Variants in GRIA1 observed in about 807,000 individuals in gnomAD.
The protein encoded by GRIA1 is glutamate ionotropic receptor AMPA type subunit 1, also known as glutamate receptor 1.
In GRIA1, 31 loss-of-function variants were observed where a neutral mutation model predicts 99.2. The observed-to-expected ratio is 0.31, with a 90% CI of 0.23 to 0.42. The LOEUF (loss-of-function observed/expected upper bound fraction) is 0.42, where lower values mean the gene tolerates loss of function less well. Ranked by LOEUF, GRIA1 falls within the 10% of genes least tolerant of loss-of-function variation. The pLI, the probability that GRIA1 is intolerant of heterozygous loss-of-function variation, is 1.00. For synonymous variants in GRIA1, 438 were observed against 432.4 expected (o/e 1.01, Z -0.16); for missense variants, 782 against 1,157.5 (o/e 0.68, Z 4.71).
chr5:153,513,073 T>C (rs781298737), intron 2 of GRIA1, among the ~76,000 whole-genome samples: 31 of 152,286 alleles, frequency 2.0e-4, no homozygotes, highest in Non-Finnish European at 4.6e-4. Flanking sequence ...TTTCCAGAAC[T>C]GTGAAAAAAG....
At chr5:153,550,154 A>ATT (rs148027162) in intron 2 of GRIA1, among the ~76,000 whole-genome samples, 31 of 151,202 alleles carry the variant, frequency 2.1e-4, no homozygotes, top group South Asian at 4.2e-4. Flanking sequence ...CAGGTGTTTT[A>ATT]TTTTTTTTTC....
At chr5:153,757,073 G>A (rs1762879987) in intron 11 of GRIA1, among the ~76,000 whole-genome samples, 1 of 152,000 alleles carries the variant, frequency 6.6e-6, no homozygotes, top group African/African-American at 2.4e-5. Flanking sequence ...AGAAAACACA[G>A]AGAAAAAATT....
chr5:153,722,851 T>A (rs1459267475), intron 11 of GRIA1, among the ~76,000 whole-genome samples: 1 of 152,224 alleles, frequency 6.6e-6, no homozygotes, highest in Admixed American at 6.5e-5. Flanking sequence ...ACTATGATTC[T>A]GTTGGATTAG....
At chr5:153,569,473 C>T (rs567730614) in intron 2 of GRIA1, among the ~76,000 whole-genome samples, 7 of 152,272 alleles carry the variant, frequency 4.6e-5, no homozygotes, top group Non-Finnish European at 7.4e-5. Flanking sequence ...AGCTCTGTTC[C>T]GGGTGTCAGA....
chr5:153,628,613 T>C (rs138388197), intron 2 of GRIA1, among the ~76,000 whole-genome samples: 110 of 152,346 alleles, frequency 7.2e-4, no homozygotes, highest in African/African-American at 2.5e-3. Flanking sequence ...TGTTAGGCAA[T>C]TTTAAAAGTT....
intron 13 of GRIA1, among the ~76,000 whole-genome samples, chr5:153,775,031 C>A (rs1764127775): frequency 6.6e-6 from 1 of 152,188 alleles, no homozygotes; most frequent in Admixed American, 6.5e-5. Context: ...TTCACAAGCC[C>A]TCAGGTTGTA....
chr5:153,498,507 G>C (rs575256432), intron 2 of GRIA1, among the ~76,000 whole-genome samples: 1 of 152,248 alleles, frequency 6.6e-6, no homozygotes, highest in East Asian at 1.9e-4. Flanking sequence ...ATGACAATAG[G>C]TGAAAGGTAG....
chr5:153,542,815 A>G (rs755078947), intron 2 of GRIA1, among the ~76,000 whole-genome samples: 1 of 152,092 alleles, frequency 6.6e-6, no homozygotes, highest in Non-Finnish European at 1.5e-5. Context: ...GTCCTTCCAT[A>G]GTGCCTTTTT....
At chr5:153,609,952 A>G (rs1479855227) in intron 2 of GRIA1, among the ~76,000 whole-genome samples, 1 of 152,062 alleles carries the variant, frequency 6.6e-6, no homozygotes, top group Non-Finnish European at 1.5e-5. Context: ...TGGTAAATGG[A>G]GGTTAACTAT....
At chr5:153,756,219 G>T (rs568794726) in intron 11 of GRIA1, among the ~76,000 whole-genome samples, 3 of 152,316 alleles carry the variant, frequency 2.0e-5, no homozygotes, top group African/African-American at 7.2e-5. Flanking sequence ...TGGCCAAGAA[G>T]ATTCCATCCC....
At chr5:153,717,562 A>G (rs1187240324) in intron 11 of GRIA1, among the ~76,000 whole-genome samples, 1 of 152,108 alleles carries the variant, frequency 6.6e-6, no homozygotes, top group Non-Finnish European at 1.5e-5. Flanking sequence ...ACCAAGTTTA[A>G]TGATAAACCC....
Position 153,650,510 on chromosome 5 carries a change from G to T in GRIA1, c.641G>T (p.Gly214Val). The T allele has an allele frequency of 6.2e-7, 1 of 1,613,454 alleles. No individual in the cohort carries two copies. Among genetic ancestry groups the T allele is most frequent in the Non-Finnish European group, 8.5e-7 (1 of 1,179,644 alleles). Residue 214 changes from glycine to valine, a missense_variant, in exon 4 of 16, where the codon GGC (glycine) becomes GTC (valine). By Grantham distance (109) the Gly-to-Val change is moderately radical. Transcript: ENST00000285900. ...CESERLNAIL[G>V]QIIKLEKNGI... ...TCAGAACGCCTCAATGCTATCTTGGGCCAGGTAGTGAAAGCAGCAAGGGCT... is the reference window on the plus strand; with the variant it reads ...TCAGAACGCCTCAATGCTATCTTGGTCCAGGTAGTGAAAGCAGCAAGGGCT...
chr5:153,585,570 A>C (rs1252367826), intron 2 of GRIA1, among the ~76,000 whole-genome samples: 1 of 151,888 alleles, frequency 6.6e-6, no homozygotes, highest in Non-Finnish European at 1.5e-5. Flanking sequence ...CGGCCTCCCA[A>C]AGTGCTGGGA....
intron 11 of GRIA1, among the ~76,000 whole-genome samples, chr5:153,763,700 C>G (rs1044300164): frequency 6.6e-6 from 1 of 152,164 alleles, no homozygotes; most frequent in Non-Finnish European, 1.5e-5. Context: ...TTATGTTTCT[C>G]TTCATTGTTT....
rs576206295 is a variant in GRIA1, at chr5:153,649,943, C to A, written c.461-387C>A. ...AAACTAACAGCTAATATTTATAAAA[C>A]CCTTGCAGGTGTCAGGCTCTGCTAT... On this transcript the variant is annotated intron_variant, in intron 3 of 15. Coordinates refer to ENST00000285900, the MANE Select transcript of GRIA1 (RefSeq NM_000827.4). 9.8e-5 allele frequency among the ~76,000 whole-genome samples: 15 copies of A among 152,302 alleles called. No individual in the cohort carries two copies. The South Asian group carries it at 2.5e-3, about 25-fold the overall frequency.
chr5:153,649,469 T>C (rs1754392676), intron 3 of GRIA1, among the ~76,000 whole-genome samples: 1 of 141,522 alleles, frequency 7.1e-6, no homozygotes, highest in African/African-American at 2.6e-5. Flanking sequence ...AGTTAGTTAG[T>C]TAGTTGAGAC....
chr5:153,776,193 G>A (rs995945394), intron 13 of GRIA1, among the ~76,000 whole-genome samples: 2 of 152,150 alleles, frequency 1.3e-5, no homozygotes, highest in Admixed American at 6.5e-5. Flanking sequence ...CTTGGTAGGA[G>A]ATAATGAATG....
At chr5:153,659,955 T>C (rs1253807814) in intron 5 of GRIA1, among the ~76,000 whole-genome samples, 1 of 152,194 alleles carries the variant, frequency 6.6e-6, no homozygotes, top group Non-Finnish European at 1.5e-5. Context: ...TACCATATTA[T>C]AGTTTATGTG....
intron 2 of GRIA1, among the ~76,000 whole-genome samples, chr5:153,541,308 C>T (rs1378868855): frequency 6.6e-6 from 1 of 152,142 alleles, no homozygotes; most frequent in African/African-American, 2.4e-5. Context: ...CTCTTTTGTT[C>T]TCATTCCCAA....
Sources: allele counts gnomAD v4.1 joint callset (sites outside exome capture counted in the v4.1 genomes callset), GRCh38; gene constraint gnomAD v4.1.1; transcripts MANE v1.5; gene names NCBI Gene and HGNC (gene_info 2026-07-23, HGNC 2026-07-21).